Variants in UBE2V2 observed in about 807,000 individuals in gnomAD.
The protein encoded by UBE2V2 is ubiquitin conjugating enzyme E2 V2, also known as ubiquitin-conjugating enzyme E2 variant 2.
UBE2V2 carries 9 observed loss-of-function variants against 17.2 expected under a neutral mutation model. The observed-to-expected ratio is 0.52, with a 90% CI of 0.32 to 0.91. The LOEUF is 0.91. Ranked by LOEUF, UBE2V2 falls within the 40% of genes least tolerant of loss-of-function variation. UBE2V2 has a pLI of 0.04. For synonymous variants in UBE2V2, 61 were observed against 57.5 expected (o/e 1.06, Z -0.28); for missense variants, 133 against 182.6 (o/e 0.73, Z 1.56).
intron 3 of UBE2V2, among the ~76,000 whole-genome samples, chr8:48,054,895 C>T (rs2091561638): frequency 6.6e-6 from 1 of 151,244 alleles, no homozygotes; most frequent in Admixed American, 6.6e-5. Flanking sequence ...TGCGTCCTCT[C>T]TCTTCATCTT....
At chr8:48,059,135 G>C (rs765816661) in intron 3 of UBE2V2, among the ~76,000 whole-genome samples, 13 of 151,804 alleles carry the variant, frequency 8.6e-5, no homozygotes, top group Admixed American at 2.6e-4. Context: ...GGGTTTCACT[G>C]TGTTGCCCAG....
chr8:48,006,691 A>C (rs1399226613), upstream of UBE2V2, among the ~76,000 whole-genome samples: 2 of 152,154 alleles, frequency 1.3e-5, no homozygotes, highest in Non-Finnish European at 2.9e-5. Flanking sequence ...GACAAAAACC[A>C]CATGATTATC....
At chr8:48,057,046 TA>T (rs906380870) in intron 3 of UBE2V2, among the ~76,000 whole-genome samples, 12 of 152,170 alleles carry the variant, frequency 7.9e-5, no homozygotes, top group African/African-American at 2.7e-4. Flanking sequence ...TTTGAAATCA[TA>T]ACTTTGTTCT....
At chr8:48,031,667 C>CT (rs1219908143) in intron 1 of UBE2V2, among the ~76,000 whole-genome samples, 1 of 151,866 alleles carries the variant, frequency 6.6e-6, no homozygotes, top group Non-Finnish European at 1.5e-5. Flanking sequence ...TTGTTTTTTT[C>CT]TTTTTTGAGA....
At chr8:48,005,825 G>T (rs938686936), upstream of UBE2V2, among the ~76,000 whole-genome samples, 1 of 152,148 alleles carries the variant, frequency 6.6e-6, no homozygotes, top group Admixed American at 6.5e-5. Flanking sequence ...CATTTGAGAA[G>T]TGTCTGTTCA....
intron 1 of UBE2V2, among the ~76,000 whole-genome samples, chr8:48,009,294 G>T (rs2091211136): frequency 6.7e-6 from 1 of 148,710 alleles, no homozygotes; most frequent in Admixed American, 6.7e-5. Flanking sequence ...TGAGTCAGAG[G>T]CTCACCCTGT....
At chr8:48,013,765 A>G (rs181232824) in intron 1 of UBE2V2, among the ~76,000 whole-genome samples, 19 of 152,338 alleles carry the variant, frequency 1.2e-4, no homozygotes, top group African/African-American at 4.6e-4. Context: ...GCAGAAAACA[A>G]AACCAAAATA....
intron 1 of UBE2V2, among the ~76,000 whole-genome samples, chr8:48,014,465 G>A (rs894085997): frequency 2.0e-5 from 3 of 151,782 alleles, no homozygotes; most frequent in African/African-American, 7.2e-5. Context: ...CTAACACAGT[G>A]AAACCCTATC....
At chr8:48,052,506 C>G (rs1352206233) in intron 3 of UBE2V2, among the ~76,000 whole-genome samples, 1 of 152,162 alleles carries the variant, frequency 6.6e-6, no homozygotes, top group Non-Finnish European at 1.5e-5. Context: ...ACCCATTTAT[C>G]ATTAAGCCTT....
chr8:48,038,267 G>A (rs2091437880), intron 1 of UBE2V2, among the ~76,000 whole-genome samples: 1 of 151,956 alleles, frequency 6.6e-6, no homozygotes, highest in South Asian at 2.1e-4. Flanking sequence ...TTAGTCCTAG[G>A]CCACTTTCTC....
chr8:48,025,180 G>A (rs2091332584), intron 1 of UBE2V2, among the ~76,000 whole-genome samples: 1 of 151,930 alleles, frequency 6.6e-6, no homozygotes, highest in Non-Finnish European at 1.5e-5. Context: ...CTCATGATCT[G>A]CCTGCCTCGG....
At chr8:48,055,811 C>T (rs938793281) in intron 3 of UBE2V2, among the ~76,000 whole-genome samples, 1 of 147,570 alleles carries the variant, frequency 6.8e-6, no homozygotes, top group Non-Finnish European at 1.5e-5. Flanking sequence ...GTCGCCCAGG[C>T]TGGAGTGCAA....
chr8:48,004,303 G>A (rs1294907698), upstream of UBE2V2, among the ~76,000 whole-genome samples: 1 of 152,090 alleles, frequency 6.6e-6, no homozygotes, highest in Admixed American at 6.6e-5. Context: ...TAATGCTGAG[G>A]TCACTAGAAC....
intron 3 of UBE2V2, among the ~76,000 whole-genome samples, chr8:48,059,979 G>A (rs1479467969): frequency 6.6e-6 from 1 of 152,050 alleles, no homozygotes; most frequent in Non-Finnish European, 1.5e-5. Flanking sequence ...GCTGAGGCAG[G>A]TAGATCACTT....
chr8:48,011,897 C>T (rs573119272), intron 1 of UBE2V2, among the ~76,000 whole-genome samples: 84 of 152,294 alleles, frequency 5.5e-4, no homozygotes, highest in South Asian at 1.0e-3. Context: ...AAGTGACCCT[C>T]CTGCCCTGGC....
chr8:48,030,991 C>T (rs1280926082), intron 1 of UBE2V2, among the ~76,000 whole-genome samples: 1 of 152,158 alleles, frequency 6.6e-6, no homozygotes, highest in Non-Finnish European at 1.5e-5. Flanking sequence ...CATTGCCCTT[C>T]ATTGTGGCTC....
Position 48,062,371 on chromosome 8 carries a change from C to A in UBE2V2, c.*1543C>A, listed in dbSNP as rs1802607805. On this transcript the variant is annotated 3_prime_UTR_variant, in exon 4 of 4. Coordinates refer to ENST00000523111, the MANE Select transcript of UBE2V2 (RefSeq NM_003350.3). ...CTTTGGGAGGCTGAGACGGGCAGAT[C>A]ACTTGAGGTCAGGAGCTTGAGACCA... is the stretch of plus-strand genomic sequence containing the variant. 6.6e-6 allele frequency: 1 copy of A among 152,206 alleles called. No individual in the cohort carries two copies. The highest frequency in any genetic ancestry group is 6.6e-5 in the Admixed American group (1 of 15,260). 9.4% of individuals were successfully genotyped at this position (152,206 alleles called of 1,614,324 possible).
chr8:48,046,617 T>C (rs2091501123), intron 2 of UBE2V2, among the ~76,000 whole-genome samples: 1 of 152,180 alleles, frequency 6.6e-6, no homozygotes, highest in Admixed American at 6.5e-5. Context: ...TTTATTTTAT[T>C]TTGAGATAGT....
chr8:48,062,156 G>A lies in UBE2V2; in HGVS notation c.*1328G>A, dbSNP rs763376787. ...AGCTTTGTTGAAAATGCTGTTTGAT[G>A]AATTCACTGAAGAATATAGAAAGGT... On this transcript the variant is annotated 3_prime_UTR_variant, in exon 4 of 4. Coordinates refer to ENST00000523111, the MANE Select transcript of UBE2V2 (RefSeq NM_003350.3). The A allele has an allele frequency of 6.6e-6, 1 of 152,164 alleles. No homozygotes were observed. Among genetic ancestry groups the A allele is most frequent in the Admixed American group, 6.5e-5 (1 of 15,276 alleles). The allele number at this position is 152,164 out of a possible 1,614,324, so 9.4% of individuals were successfully genotyped here. A position where few individuals can be genotyped will look rare whatever the true frequency, so the allele number is the denominator to read the frequency against.
Sources: gnomAD v4.1 joint callset for allele counts (sites outside exome capture counted in the v4.1 genomes callset) on GRCh38, gnomAD v4.1.1 for gene constraint, MANE v1.5 for transcripts, NCBI Gene and HGNC (gene_info 2026-07-23, HGNC 2026-07-21) for gene names.